Variants in NFXL1 observed in about 807,000 individuals in gnomAD.
The protein encoded by NFXL1 is nuclear transcription factor, X-box binding like 1.
A neutral mutation model predicts 123.3 loss-of-function variants in NFXL1; 66 were observed. The ratio of observed to expected loss-of-function variants is 0.54; its 90% CI spans 0.44 to 0.66. The LOEUF (loss-of-function observed/expected upper bound fraction) is 0.66, where lower values mean the gene tolerates loss of function less well. NFXL1 is among the 30% of genes least tolerant of loss of function. The pLI is 0.00. For missense variants in NFXL1, 944 were observed against 1,125.6 expected, an observed-to-expected ratio of 0.84 and a Z score of 2.31; for synonymous variants, 346 against 360.8, an observed-to-expected ratio of 0.96 and a Z score of 0.46.
Position 47,914,367 on chromosome 4 carries a change from G to A in NFXL1, c.-5C>T, listed in dbSNP as rs1308056994. 1.8e-6 allele frequency: 1 copy of A among 564,014 alleles called. No homozygotes were observed. Among genetic ancestry groups the A allele is most frequent in the Non-Finnish European group, 3.1e-6 (1 of 325,532 alleles). 34.9% of individuals were successfully genotyped at this position (564,014 alleles called of 1,614,324 possible). On this transcript the variant is annotated splice_region_variant and 5_prime_UTR_variant, in exon 1 of 23. Transcript: ENST00000507489. ...GGAGGTCGCGGCCCTGCCTTTACCG[G>A]AGGGCGAGTCCCCGCCAAGCCCGGG...
intron 15 of NFXL1, among the ~76,000 whole-genome samples, chr4:47,883,299 G>T (rs1262625883): frequency 6.6e-6 from 1 of 151,902 alleles, no homozygotes; most frequent in African/African-American, 2.4e-5. Flanking sequence ...AGGTACTTAT[G>T]ACCTAATTAC....
At chr4:47,858,326 A>C (rs1016864720) in intron 19 of NFXL1, among the ~76,000 whole-genome samples, 6 of 152,228 alleles carry the variant, frequency 3.9e-5, no homozygotes, top group African/African-American at 1.2e-4. Flanking sequence ...AAATTGATAC[A>C]ACCATTTTGG....
At chr4:47,885,768 T>G in intron 13 of NFXL1, 111 bp from the exon 14 acceptor site, 1 of 1,357,012 alleles carries the variant, frequency 7.4e-7, no homozygotes, top group Non-Finnish European at 1.0e-6. Context: ...ATGAGTATAC[T>G]GTGAATATTA....
chr4:47,859,855 A>AC (rs1560581915), intron 19 of NFXL1, among the ~76,000 whole-genome samples: 105 of 143,292 alleles, frequency 7.3e-4, no homozygotes, highest in African/African-American at 2.6e-3. Context: ...AAAAAAAAAA[A>AC]AAAAAAAAAA....
chr4:47,897,995 C>T lies in NFXL1; in HGVS notation c.1176G>A (p.Gly392=). Residue 392 remains glycine (G), a synonymous_variant, in exon 9 of 23, where the codon GGG becomes GGA. Transcript: ENST00000507489. ...VGACGECPRS[G]KRFCPCQKSK... ...ATTTCTGACATGGACAGAACCTTTTCCCAGATCGAGGACATTCTCCACAAG... is the reference window on the plus strand; with the variant it reads ...ATTTCTGACATGGACAGAACCTTTTTCCAGATCGAGGACATTCTCCACAAG... 1.9e-6 allele frequency: 3 copies of T among 1,610,370 alleles called. No individual in the cohort carries two copies. Among genetic ancestry groups the T allele is most frequent in the Non-Finnish European group, 2.5e-6 (3 of 1,178,324 alleles).
At chr4:47,859,871 C>CAAAA (rs1333883635) in intron 19 of NFXL1, among the ~76,000 whole-genome samples, 2 of 52,572 alleles carry the variant, frequency 3.8e-5, no homozygotes, top group Non-Finnish European at 6.9e-5. Context: ...AAAAAAAAAA[C>CAAAA]AAACAAACAA....
rs1204029554 is a variant in NFXL1, at chr4:47,898,043, A to G, written c.1128T>C (p.Cys376=). Residue 376 remains cysteine, a synonymous_variant, in exon 9 of 23, where the codon TGT becomes TGC. Transcript: ENST00000507489. ...AAGCACCAACATGGCAAACTTGCTC[A>G]CATGTGTGATTACCACATGGCAGTG... ...GKTLPCGNHT[C]EQVCHVGACG... is the part of the protein sequence containing the mutation. The G allele has an allele frequency of 3.1e-6, 5 of 1,612,356 alleles. No homozygotes were observed. The highest frequency in any genetic ancestry group is 1.7e-5 in the Admixed American group (1 of 59,680).
rs187624361 is a variant in NFXL1, at chr4:47,880,304, G to C, written c.1917-1187C>G. ...CCTAGTCCCAGGTACTAGGGGGTTG[G>C]GGGTAGAGCTGAGGTTGAAGGATCA... On this transcript the variant is annotated intron_variant, in intron 15 of 22. Transcript: ENST00000507489. Among the ~76,000 whole-genome samples the C allele has an allele frequency of 5.6e-3, 853 of 151,744 alleles. 5 individuals are homozygous for C. Among genetic ancestry groups the C allele is most frequent in the South Asian group, 0.019 (91 of 4,796 alleles).
At position 47,898,036 on chromosome 4, in the gene NFXL1, C is replaced by T; in HGVS notation, c.1135G>A (p.Val379Ile). ...LPCGNHTCEQ[V>I]CHVGACGECP... is the part of the protein sequence containing the mutation. ...TCTCCACAAGCACCAACATGGCAAA[C>T]TTGCTCACATGTGTGATTACCACAT... The change falls in exon 9 of 23, where the codon GTT (valine) becomes ATT (isoleucine). Residue 379 changes from valine to isoleucine, a missense_variant. Physicochemically the swap from Val to Ile is conservative, Grantham distance 29. Coordinates refer to ENST00000507489, the MANE Select transcript of NFXL1 (RefSeq NM_001278624.2). 6.2e-7 allele frequency: 1 copy of T among 1,612,716 alleles called. No individual in the cohort carries two copies. The highest frequency in any genetic ancestry group is 8.5e-7 in the Non-Finnish European group (1 of 1,179,486).
intron 3 of NFXL1, among the ~76,000 whole-genome samples, chr4:47,907,726 A>G (rs931702060): frequency 6.6e-6 from 1 of 152,254 alleles, no homozygotes; most frequent in Non-Finnish European, 1.5e-5. Context: ...AAACCAGATT[A>G]AAAATTAATA....
At position 47,903,306 on chromosome 4, in the gene NFXL1, T is replaced by A. The variant is rs1737427672; in HGVS notation, c.534A>T (p.Gly178=). ...AGGGCATGTGAAATATACAGAAACA[T>A]CCCGAACAGCTCCAAACCTAAGACA... The part of the protein sequence containing the change: ...KRNQAVWSCS[G]CFCIFHMPCI... The change falls in exon 5 of 23, where the codon GGA becomes GGT. Residue 178 remains glycine (G), a synonymous_variant. Coordinates refer to ENST00000507489, the MANE Select transcript of NFXL1 (RefSeq NM_001278624.2). 1.3e-6 allele frequency: 2 copies of A among 1,564,978 alleles called. No individual in the cohort carries two copies. The highest frequency in any genetic ancestry group is 2.8e-5 in the African/African-American group (2 of 71,698).
At chr4:47,880,992 A>C (rs1736080141) in intron 15 of NFXL1, among the ~76,000 whole-genome samples, 1 of 152,036 alleles carries the variant, frequency 6.6e-6, no homozygotes, top group African/African-American at 2.4e-5. Context: ...GTTAAAAAAC[A>C]AAATTACAGC....
chr4:47,892,549 C>T (rs1359884112), intron 11 of NFXL1, among the ~76,000 whole-genome samples: 3 of 152,164 alleles, frequency 2.0e-5, no homozygotes, highest in Non-Finnish European at 4.4e-5. Flanking sequence ...GGGAAAAAGT[C>T]TGTGTTCCTT....
At chr4:47,896,106 G>A (rs1274731591) in intron 10 of NFXL1, among the ~76,000 whole-genome samples, 3 of 152,144 alleles carry the variant, frequency 2.0e-5, no homozygotes, top group Non-Finnish European at 2.9e-5. Flanking sequence ...GGCATGGTTT[G>A]TGGCACCCCC....
intron 11 of NFXL1, among the ~76,000 whole-genome samples, chr4:47,892,554 T>C (rs1346392100): frequency 1.3e-5 from 2 of 152,148 alleles, no homozygotes; most frequent in East Asian, 1.9e-4. Flanking sequence ...AAAGTCTGTG[T>C]TCCTTACAGC....
intron 18 of NFXL1, among the ~76,000 whole-genome samples, chr4:47,865,122 C>T (rs563217692): frequency 6.6e-6 from 1 of 152,296 alleles, no homozygotes; most frequent in South Asian, 2.1e-4. Flanking sequence ...AAGAAACTCC[C>T]ACACATTTGG....
intron 10 of NFXL1, 151 bp from the exon 11 acceptor site, chr4:47,894,453 T>C (rs1265586693): frequency 2.0e-6 from 1 of 491,448 alleles, no homozygotes; most frequent in African/African-American, 2.0e-5. Context: ...TTGAATTTCC[T>C]AAAACATTTG....
chr4:47,898,658 C>T (rs1737228755), intron 8 of NFXL1, 99 bp downstream of exon 8: 1 of 756,874 alleles, frequency 1.3e-6, no homozygotes, highest in Non-Finnish European at 2.4e-6. Context: ...TCTTCCTTGC[C>T]TTTTATCCAA....
intron 3 of NFXL1, 26 bp downstream of exon 3, chr4:47,910,796 CAA>C: frequency 1.0e-5 from 15 of 1,451,206 alleles, no homozygotes; most frequent in Non-Finnish European, 1.4e-5. Context: ...TCATTGACGT[CAA>C]AAGTCAAAAT....
Sources: gnomAD v4.1 joint callset for allele counts (sites outside exome capture counted in the v4.1 genomes callset) on GRCh38, gnomAD v4.1.1 for gene constraint, MANE v1.5 for transcripts, NCBI Gene and HGNC (gene_info 2026-07-23, HGNC 2026-07-21) for gene names.